The following CCDC28A variants were observed in gnomAD, a reference collection of about 807,000 sequenced individuals.
The protein encoded by CCDC28A is coiled-coil domain-containing protein 28A.
In CCDC28A, 24 loss-of-function variants were observed where a neutral mutation model predicts 22.1. The ratio of observed to expected loss-of-function variants is 1.09; its 90% CI spans 0.79 to 1.53. CCDC28A has a LOEUF of 1.53. Ranked by LOEUF, CCDC28A falls within the 40% of genes most tolerant of loss-of-function variation. CCDC28A has a pLI of 0.00. For missense variants in CCDC28A, 170 were observed against 210.7 expected, an observed-to-expected ratio of 0.81 and a Z score of 1.20; for synonymous variants, 83 against 74.7, an observed-to-expected ratio of 1.11 and a Z score of -0.57.
chr6:138,775,131 G>A (rs1373015973), intron 1 of CCDC28A, among the ~76,000 whole-genome samples: 1 of 152,174 alleles, frequency 6.6e-6, no homozygotes, highest in African/African-American at 2.4e-5. Context: ...AGTAGAGACG[G>A]GGTTTCACCG....
chr6:138,792,529 T>TAA (rs35659416), intron 5 of CCDC28A, among the ~76,000 whole-genome samples: 24 of 143,764 alleles, frequency 1.7e-4, no homozygotes, highest in African/African-American at 2.5e-4. Flanking sequence ...CTCTAAAATT[T>TAA]AAAAAAAAAA....
rs1392209664 is a variant in CCDC28A, at chr6:138,773,840, G to T, written c.-105G>T. ...GGCTCTGCTTGTGGCTGCGGCGGTG[G>T]CTTCTGAGGCTGTCGGGTCTTTGCG... On this transcript the variant is annotated 5_prime_UTR_variant, in exon 1 of 6. Coordinates refer to ENST00000617445, the MANE Select transcript of CCDC28A (RefSeq NM_015439.3). 3.1e-6 allele frequency: 5 copies of T among 1,614,112 alleles called. No individual in the cohort carries two copies. In the Admixed American group the frequency reaches 6.7e-5, roughly 22 times the overall value.
At chr6:138,788,563 C>CTTT (rs1775126559) in intron 5 of CCDC28A, among the ~76,000 whole-genome samples, 175 bp downstream of exon 5, 5 of 91,766 alleles carry the variant, frequency 5.4e-5, no homozygotes, top group African/African-American at 1.2e-4. Flanking sequence ...TCTCTTTTTT[C>CTTT]TTTTCTTTTT....
At chr6:138,788,532 C>CCT (rs1023874741) in intron 5 of CCDC28A, 144 bp downstream of exon 5, 21 of 401,106 alleles carry the variant, frequency 5.2e-5, no homozygotes, top group African/African-American at 3.3e-4. Flanking sequence ...CGTCACTCTT[C>CCT]CTCTTTGGTT....
chr6:138,785,357 C>T lies in CCDC28A; in HGVS notation c.453C>T (p.Ser151=), dbSNP rs1775077232. 1 of 1,613,406 alleles carries T rather than the reference C, an allele frequency of 6.2e-7. No homozygotes were observed. Among genetic ancestry groups the T allele is most frequent in the African/African-American group, 1.3e-5 (1 of 74,892 alleles). ...PEDKRKTASD[S]NLDRLLSDLE... ...ATAAGAGAAAAACAGCCAGTGACTC[C>T]AATCTGGATAGGCTTCTGTCAGATG... The change falls in exon 4 of 6, where the codon TCC becomes TCT. Residue 151 remains serine (S), a synonymous_variant. Coordinates refer to ENST00000617445, the MANE Select transcript of CCDC28A (RefSeq NM_015439.3).
chr6:138,781,786 C>A, intron 3 of CCDC28A, among the ~76,000 whole-genome samples: 1 of 152,004 alleles, frequency 6.6e-6, no homozygotes, highest in East Asian at 1.9e-4. Context: ...AACCCTCTGA[C>A]CTCTATTATG....
In CCDC28A at chr6:138,787,572, G is replaced by C. The variant is rs556517955; in HGVS notation, c.478-794G>C. ...AATCTATGATGGTTTTAAAGATTTT[G>C]ATCATTAAAATGGCAATTTTTTTTC... is the stretch of plus-strand genomic sequence containing the variant. On this transcript the variant is annotated intron_variant, in intron 4 of 5. Transcript: ENST00000617445. Among the ~76,000 whole-genome samples the C allele has an allele frequency of 5.9e-5, 9 of 152,198 alleles. No homozygotes were observed. The East Asian group carries it at 1.7e-3, about 29-fold the overall frequency.
chr6:138,773,783 C>T lies in CCDC28A; in HGVS notation c.-162C>T, dbSNP rs759085050. 1.9e-6 allele frequency: 3 copies of T among 1,613,288 alleles called. No homozygotes were observed. The highest frequency in any genetic ancestry group is 1.7e-4 in the Middle Eastern group (1 of 6,050). The stretch of plus-strand genomic sequence containing the variant: ...ACGTCACTTCCGTAAACAAACGGAG[C>T]TGCGGAGGAGCGGGTCCCGGGATGT... On this transcript the variant is annotated 5_prime_UTR_variant, in exon 1 of 6. Transcript: ENST00000617445.
At chr6:138,775,171 C>G (rs1774909371) in intron 1 of CCDC28A, among the ~76,000 whole-genome samples, 1 of 152,220 alleles carries the variant, frequency 6.6e-6, no homozygotes, top group South Asian at 2.1e-4. Context: ...GATCTCCTGA[C>G]CTCGTGATCC....
At chr6:138,786,736 C>A (rs556454569) in intron 4 of CCDC28A, among the ~76,000 whole-genome samples, 1 of 152,210 alleles carries the variant, frequency 6.6e-6, no homozygotes, top group Admixed American at 6.5e-5. Flanking sequence ...TGCCTCAGCA[C>A]CCCCAAGTAG....
At chr6:138,790,131 C>T (rs1000366099) in intron 5 of CCDC28A, among the ~76,000 whole-genome samples, 4 of 151,674 alleles carry the variant, frequency 2.6e-5, no homozygotes, top group African/African-American at 9.7e-5. Context: ...TAAGTATTTC[C>T]TATCCTTTTG....
chr6:138,776,011 G>A lies in CCDC28A; in HGVS notation c.-42-68G>A, dbSNP rs1774925051. The A allele has an allele frequency of 3.8e-6, 5 of 1,305,894 alleles. No homozygotes were observed. In the Admixed American group the frequency reaches 8.7e-5, roughly 23 times the overall value. 80.9% of individuals were successfully genotyped at this position (1,305,894 alleles called of 1,614,324 possible). ...GATCCTCTTTTGACCCTGTGAAATG[G>A]GTCTTTGAATTTCTTTCATGTTTGC... is the stretch of plus-strand genomic sequence containing the variant. On this transcript the variant is annotated intron_variant, in intron 1 of 5. Coordinates refer to ENST00000617445, the MANE Select transcript of CCDC28A (RefSeq NM_015439.3).
At chr6:138,776,366 G>A in intron 2 of CCDC28A, 88 bp downstream of exon 2, 15 of 1,126,628 alleles carry the variant, frequency 1.3e-5, no homozygotes, top group Non-Finnish European at 2.0e-5. Flanking sequence ...TTTTAGTCTT[G>A]GCTTGACTTT....
At chr6:138,786,805 A>G (rs951905616) in intron 4 of CCDC28A, among the ~76,000 whole-genome samples, 1 of 152,134 alleles carries the variant, frequency 6.6e-6, no homozygotes, top group Non-Finnish European at 1.5e-5. Flanking sequence ...TAGTAGAGAT[A>G]GGGTTTCACC....
intron 3 of CCDC28A, among the ~76,000 whole-genome samples, chr6:138,780,543 G>A (rs557843783): frequency 6.6e-6 from 1 of 150,700 alleles, no homozygotes; most frequent in East Asian, 1.9e-4. Context: ...TTATTTGTAA[G>A]CTTTTTCTAA....
chr6:138,775,747 GCTT>G (rs1466515233), intron 1 of CCDC28A, among the ~76,000 whole-genome samples: 1 of 152,150 alleles, frequency 6.6e-6, no homozygotes, highest in African/African-American at 2.4e-5. Context: ...TAAAATGTAG[GCTT>G]CTTGAGGTCA....
At chr6:138,774,038 G>A (rs1774886619) in intron 1 of CCDC28A, 136 bp downstream of exon 1, 3 of 1,072,790 alleles carry the variant, frequency 2.8e-6, no homozygotes, top group Non-Finnish European at 4.0e-6. Context: ...GTGATGTCAA[G>A]AGGGATGCCC....
intron 3 of CCDC28A, among the ~76,000 whole-genome samples, chr6:138,781,665 T>A (rs1458905493): frequency 1.3e-5 from 2 of 152,246 alleles, no homozygotes; most frequent in Admixed American, 6.5e-5. Flanking sequence ...TCCGTGTGTG[T>A]TTGGTAGATT....
At chr6:138,791,741 T>G (rs11754946) in intron 5 of CCDC28A, among the ~76,000 whole-genome samples, 25 of 152,234 alleles carry the variant, frequency 1.6e-4, no homozygotes, top group Admixed American at 2.0e-4. Context: ...GGATTTCATT[T>G]GTACCTTAAC....
Sources: gnomAD v4.1 joint callset for allele counts (sites outside exome capture counted in the v4.1 genomes callset) on GRCh38, gnomAD v4.1.1 for gene constraint, MANE v1.5 for transcripts, NCBI Gene and HGNC (gene_info 2026-07-23, HGNC 2026-07-21) for gene names.